Variants in ARHGEF9 observed in about 807,000 individuals in gnomAD.
The protein encoded by ARHGEF9 is Cdc42 guanine nucleotide exchange factor 9.
A neutral mutation model predicts 41.3 loss-of-function variants in ARHGEF9; 2 were observed. The ratio of observed to expected loss-of-function variants is 0.05; its 90% CI spans 0.02 to 0.15. ARHGEF9 has a LOEUF of 0.15. ARHGEF9 is among the 10% of genes least tolerant of loss of function. The pLI, the probability that ARHGEF9 is intolerant of heterozygous loss-of-function variation, is 1.00. For synonymous variants in ARHGEF9, 160 were observed against 154.4 expected, an observed-to-expected ratio of 1.04 and a Z score of -0.27; for missense variants, 225 against 424.7, an observed-to-expected ratio of 0.53 and a Z score of 4.13.
chrX:63,764,376 G>A (rs1401543935), intron 1 of ARHGEF9, among the ~76,000 whole-genome samples: 1 of 112,804 alleles, frequency 8.9e-6, no homozygotes, highest in Non-Finnish European at 1.9e-5. Flanking sequence ...TGGTGGGAAT[G>A]TAAATTAGAT....
chrX:63,688,496 T>C, intron 4 of ARHGEF9, among the ~76,000 whole-genome samples: 1 of 112,787 alleles, frequency 8.9e-6, no homozygotes, highest in African/African-American at 3.2e-5. Context: ...TACTGAATTG[T>C]GGTGTGTAAA....
chrX:63,665,771 G>C (rs2049495988), intron 7 of ARHGEF9, 115 bp downstream of exon 7: 1 of 967,747 alleles, frequency 1.0e-6, no homozygotes, highest in African/African-American at 1.9e-5. Context: ...TCTCCTGTCT[G>C]TTTTCCCCCC....
At chrX:63,745,052 G>T (rs1371189851) in intron 1 of ARHGEF9, among the ~76,000 whole-genome samples, 1 of 102,336 alleles carries the variant, frequency 9.8e-6, no homozygotes, top group African/African-American at 3.6e-5. Context: ...GAGAGTGGGT[G>T]GAGGAGAGGC....
intron 2 of ARHGEF9, among the ~76,000 whole-genome samples, chrX:63,716,547 T>C (rs1375571257): frequency 9.0e-6 from 1 of 111,725 alleles, no homozygotes; most frequent in Non-Finnish European, 1.9e-5. Flanking sequence ...GATGATCATC[T>C]GTTGGGTGAA....
intron 1 of ARHGEF9, among the ~76,000 whole-genome samples, chrX:63,751,227 C>G (rs1485727712): frequency 9.0e-6 from 1 of 110,769 alleles, no homozygotes; most frequent in East Asian, 2.8e-4. Context: ...GTCCTCTTCT[C>G]TTTTTTACTT....
chrX:63,689,509 G>T (rs1459062728), intron 4 of ARHGEF9, among the ~76,000 whole-genome samples: 1 of 112,043 alleles, frequency 8.9e-6, no homozygotes, highest in Non-Finnish European at 1.9e-5. Flanking sequence ...ACAAATATTA[G>T]TAGATTTAAA....
At chrX:63,702,045 A>C in intron 3 of ARHGEF9, among the ~76,000 whole-genome samples, 1 of 112,502 alleles carries the variant, frequency 8.9e-6, no homozygotes, top group Middle Eastern at 4.6e-3. Flanking sequence ...ACGTTTGAAA[A>C]CCTCAGGCTT....
At chrX:63,680,893 C>CA (rs1186205625) in intron 4 of ARHGEF9, among the ~76,000 whole-genome samples, 1 of 111,238 alleles carries the variant, frequency 9.0e-6, no homozygotes, top group Middle Eastern at 4.6e-3. Flanking sequence ...ACAACAACAA[C>CA]AAAAAACATG....
chrX:63,758,977 C>T (rs782722954), intron 1 of ARHGEF9, among the ~76,000 whole-genome samples: 10 of 111,294 alleles, frequency 9.0e-5, no homozygotes, highest in Non-Finnish European at 1.9e-4. Flanking sequence ...ATGTCTCCTT[C>T]ATCCACTGGT....
At chrX:63,663,794 T>C (rs1556344303) in intron 7 of ARHGEF9, among the ~76,000 whole-genome samples, 1 of 112,405 alleles carries the variant, frequency 8.9e-6, no homozygotes, top group Non-Finnish European at 1.9e-5. Context: ...TTCAAAAGTT[T>C]ATCCCTACTT....
At chrX:63,736,305 T>C (rs1224504444) in intron 1 of ARHGEF9, among the ~76,000 whole-genome samples, 10 of 111,299 alleles carry the variant, frequency 9.0e-5, no homozygotes, top group Non-Finnish European at 1.9e-4. Context: ...GCTAAACTTA[T>C]GTAAGGAAGC....
intron 1 of ARHGEF9, among the ~76,000 whole-genome samples, chrX:63,732,936 G>A (rs1556420932): frequency 1.8e-5 from 2 of 111,714 alleles, no homozygotes; most frequent in African/African-American, 6.5e-5. Flanking sequence ...GACCTACTCC[G>A]TAATCCCTTC....
At chrX:63,780,515 A>T (rs868928549) in intron 1 of ARHGEF9, among the ~76,000 whole-genome samples, 35 of 111,129 alleles carry the variant, frequency 3.1e-4, no homozygotes, top group Middle Eastern at 4.7e-3. Context: ...GCTATAGATA[A>T]TTTTTTTTAA....
At chrX:63,700,090 T>A (rs1209546834) in intron 3 of ARHGEF9, among the ~76,000 whole-genome samples, 1 of 111,950 alleles carries the variant, frequency 8.9e-6, no homozygotes, top group East Asian at 2.8e-4. Context: ...CTGCCTGGAA[T>A]GAAATATTAT....
At chrX:63,644,287 A>C (rs1556309996) in intron 8 of ARHGEF9, 1 of 269,845 alleles carries the variant, frequency 3.7e-6, no homozygotes, top group African/African-American at 2.8e-5. Flanking sequence ...TAGAGAGCCA[A>C]AAAAAGAATT....
chrX:63,745,546 G>C (rs2147746336), intron 1 of ARHGEF9, among the ~76,000 whole-genome samples: 1 of 111,593 alleles, frequency 9.0e-6, no homozygotes, highest in Admixed American at 9.5e-5. Context: ...CTATAGGGGA[G>C]GTAGCAAGTT....
intron 4 of ARHGEF9, among the ~76,000 whole-genome samples, chrX:63,682,172 T>TAAAA (rs1443042080): frequency 1.8e-4 from 19 of 106,482 alleles, no homozygotes; most frequent in Non-Finnish European, 3.7e-4. Context: ...AATAAATAAA[T>TAAAA]AAAAGAACTA....
rs10542660 is a variant in ARHGEF9 at position 63,637,846 on chromosome X, CTGTGTG to C, written c.*176_*181del. On this transcript the variant is annotated 3_prime_UTR_variant, in exon 10 of 10. Transcript: ENST00000671741. Reference sequence around the variant, plus strand: ...GAAAACACTTTTGTTCCTTATCTCTCTGTGTGTGTGTGTGTGTGTGTGTGTGTGTGT... The same window carrying C: ...GAAAACACTTTTGTTCCTTATCTCTCTGTGTGTGTGTGTGTGTGTGTGTGT... 2.3e-3 allele frequency: 698 copies of C among 308,742 alleles called. No homozygotes were observed. The highest frequency in any genetic ancestry group is 0.011 in the African/African-American group (346 of 32,144). 25.4% of individuals were successfully genotyped at this position (308,742 alleles called of 1,213,427 possible).
intron 1 of ARHGEF9, among the ~76,000 whole-genome samples, chrX:63,758,308 T>C (rs1390603027): frequency 9.0e-6 from 1 of 111,166 alleles, no homozygotes; most frequent in Non-Finnish European, 1.9e-5. Flanking sequence ...ACACTGTTCT[T>C]GGAGGCATAG....
Sources: allele counts gnomAD v4.1 joint callset (sites outside exome capture counted in the v4.1 genomes callset), GRCh38; gene constraint gnomAD v4.1.1; transcripts MANE v1.5; gene names NCBI Gene and HGNC (gene_info 2026-07-23, HGNC 2026-07-21).